CPNE4: variants seen among roughly 807,000 people sequenced by gnomAD.
CPNE4 encodes the protein copine 4.
A neutral mutation model predicts 67.9 loss-of-function variants in CPNE4; 25 were observed. The observed-to-expected ratio is 0.37, with a 90% CI of 0.27 to 0.51. The LOEUF is 0.51. Ranked by LOEUF, CPNE4 falls within the 20% of genes least tolerant of loss-of-function variation. The pLI, the probability that CPNE4 is intolerant of heterozygous loss-of-function variation, is 0.93. For missense variants in CPNE4, 464 were observed against 690.8 expected (o/e 0.67, Z 3.68); for synonymous variants, 242 against 244.9 (o/e 0.99, Z 0.11).
chr3:131,943,365 G>A (rs1425846798), intron 1 of CPNE4, among the ~76,000 whole-genome samples: 2 of 152,108 alleles, frequency 1.3e-5, no homozygotes, highest in Admixed American at 1.3e-4. Context: ...TAGAATGATA[G>A]ATCAGGAATT....
At chr3:131,821,165 T>C (rs72987740) in intron 2 of CPNE4, among the ~76,000 whole-genome samples, 4,818 of 152,302 alleles carry the variant, frequency 0.032, 183 homozygotes, top group South Asian at 0.095. Flanking sequence ...TCTCCACTGA[T>C]AATCCAACGT....
intron 2 of CPNE4, among the ~76,000 whole-genome samples, chr3:131,896,511 A>G (rs936676212): frequency 1.3e-4 from 20 of 152,148 alleles, no homozygotes; most frequent in South Asian, 4.1e-4. Flanking sequence ...GAACTCTAAT[A>G]GGGAAAATAT....
intron 6 of CPNE4, among the ~76,000 whole-genome samples, chr3:131,685,549 C>T (rs553113110): frequency 2.6e-5 from 4 of 152,152 alleles, no homozygotes; most frequent in African/African-American, 4.8e-5. Context: ...TTTGGGAGGC[C>T]GAGGCGGGTG....
chr3:131,614,484 T>A (rs1940028305), intron 7 of CPNE4, among the ~76,000 whole-genome samples: 1 of 152,206 alleles, frequency 6.6e-6, no homozygotes. Context: ...TACTCATGTG[T>A]CTCTTTAACT....
chr3:131,761,881 G>C (rs887487639), intron 2 of CPNE4, among the ~76,000 whole-genome samples: 3 of 152,130 alleles, frequency 2.0e-5, no homozygotes, highest in African/African-American at 7.2e-5. Flanking sequence ...ATAAAACCCT[G>C]CATTAGCATT....
intron 2 of CPNE4, among the ~76,000 whole-genome samples, chr3:131,896,535 A>G: frequency 6.6e-6 from 1 of 152,020 alleles, no homozygotes; most frequent in Admixed American, 6.6e-5. Flanking sequence ...TGTAAAGAGT[A>G]AAAAAAATAA....
chr3:132,015,593 C>T (rs1429292218), intron 1 of CPNE4, among the ~76,000 whole-genome samples: 6 of 152,040 alleles, frequency 3.9e-5, no homozygotes, highest in South Asian at 4.1e-4. Flanking sequence ...TCAGTCAAAA[C>T]GTACCAATTA....
In CPNE4 at chr3:131,717,930, CTTTCT is replaced by C. The variant is rs2081769990; in HGVS notation, c.360+5511_360+5515del. On this transcript the variant is annotated intron_variant, in intron 3 of 15. Coordinates refer to ENST00000429747, the MANE Select transcript of CPNE4 (RefSeq NM_130808.3). ...TCTTTCTTTCTTTCTTTCTTTCTTT[CTTTCT>C]TTCTTTCTTTTCTTTCTTTCTCTCT... Among the ~76,000 whole-genome samples, 4 of 117,554 alleles carry C rather than the reference CTTTCT, an allele frequency of 3.4e-5. No individual in the cohort carries two copies. In the South Asian group the frequency reaches 1.1e-3, roughly 32 times the overall value. The allele number at this position is 117,554 out of a possible 152,430, so 77.1% of individuals were successfully genotyped here.
At position 132,016,244 on chromosome 3, in the gene CPNE4, G is replaced by C. The variant is rs140382720; in HGVS notation, c.-2+18323C>G. Reference sequence around the variant, plus strand: ...TCCAAACGAAATTCTTGACTCCCAGGCTCTCTGAGATATCCATTGTGTCAG... The same window carrying C: ...TCCAAACGAAATTCTTGACTCCCAGCCTCTCTGAGATATCCATTGTGTCAG... On this transcript the variant is annotated intron_variant, in intron 1 of 15. Transcript: ENST00000429747. 1.7e-3 allele frequency among the ~76,000 whole-genome samples: 259 copies of C among 152,196 alleles called. 2 individuals are homozygous for C. The highest frequency in any genetic ancestry group is 0.012 in the East Asian group (62 of 5,180).
At chr3:131,796,332 C>T (rs1429788522) in intron 2 of CPNE4, among the ~76,000 whole-genome samples, 1 of 152,128 alleles carries the variant, frequency 6.6e-6, no homozygotes, top group African/African-American at 2.4e-5. Context: ...CCCTTTTTAT[C>T]AAACTTGCTG....
intron 1 of CPNE4, among the ~76,000 whole-genome samples, chr3:132,007,511 A>C (rs1257021626): frequency 6.6e-6 from 1 of 152,170 alleles, no homozygotes; most frequent in Non-Finnish European, 1.5e-5. Flanking sequence ...CGTGTGTGTG[A>C]AATGTTTGGC....
intron 7 of CPNE4, among the ~76,000 whole-genome samples, chr3:131,589,204 G>A (rs939583277): frequency 6.6e-6 from 1 of 152,122 alleles, no homozygotes; most frequent in Non-Finnish European, 1.5e-5. Context: ...TAGTGGCTCA[G>A]TTCAAGTCTA....
chr3:131,827,180 C>T (rs1290185416), intron 2 of CPNE4, among the ~76,000 whole-genome samples: 1 of 152,202 alleles, frequency 6.6e-6, no homozygotes, highest in Admixed American at 6.5e-5. Flanking sequence ...TTCTCAATTG[C>T]TTTTATGCCC....
intron 14 of CPNE4, chr3:131,543,149 G>A (rs990348849): frequency 1.4e-4 from 27 of 192,456 alleles, no homozygotes; most frequent in African/African-American, 5.8e-4. Flanking sequence ...CAAATGAGGG[G>A]TGGGACCCAA....
chr3:131,879,328 A>C (rs529905183), intron 2 of CPNE4, among the ~76,000 whole-genome samples: 7 of 152,322 alleles, frequency 4.6e-5, no homozygotes, highest in African/African-American at 1.7e-4. Context: ...GTTTCCATTA[A>C]TGACTTTTTC....
chr3:131,778,680 A>G (rs1185704950), intron 2 of CPNE4, among the ~76,000 whole-genome samples: 1 of 152,062 alleles, frequency 6.6e-6, no homozygotes, highest in Non-Finnish European at 1.5e-5. Flanking sequence ...TAGCCCAGAC[A>G]CTGTGAACAG....
intron 8 of CPNE4, among the ~76,000 whole-genome samples, chr3:131,581,972 C>G (rs1418729569): frequency 6.6e-6 from 1 of 152,158 alleles, no homozygotes; most frequent in Non-Finnish European, 1.5e-5. Flanking sequence ...TACTCTATCT[C>G]ATAGGATTAT....
chr3:131,828,856 A>C (rs558084179), intron 2 of CPNE4, among the ~76,000 whole-genome samples: 1 of 152,334 alleles, frequency 6.6e-6, no homozygotes, highest in Non-Finnish European at 1.5e-5. Flanking sequence ...AAACAAAAAA[A>C]CAAAACAACT....
intron 2 of CPNE4, among the ~76,000 whole-genome samples, chr3:131,902,288 C>T (rs193024314): frequency 1.1e-4 from 17 of 152,046 alleles, no homozygotes; most frequent in Middle Eastern, 3.4e-3. Context: ...TCACTGTGCA[C>T]GGGTGGCAAA....
Sources: allele counts gnomAD v4.1 joint callset (sites outside exome capture counted in the v4.1 genomes callset), GRCh38; gene constraint gnomAD v4.1.1; transcripts MANE v1.5; gene names NCBI Gene and HGNC (gene_info 2026-07-23, HGNC 2026-07-21).